The following KIAA1328 variants were observed in gnomAD, a reference collection of about 807,000 sequenced individuals.
KIAA1328 encodes the protein protein hinderin.
Under a neutral mutation model 68.1 loss-of-function variants are expected in KIAA1328, and 52 were observed. The observed-to-expected ratio is 0.76, with a 90% CI of 0.61 to 0.96. KIAA1328 has a LOEUF of 0.96. Among genes scored for constraint, KIAA1328 ranks in the 40% least tolerant of loss-of-function variants. The probability of loss-of-function intolerance (pLI) is 0.00; values close to 1 mark genes in which losing one functional copy is unlikely to be tolerated. For synonymous variants in KIAA1328, 232 were observed against 239.4 expected (o/e 0.97, Z 0.28); for missense variants, 641 against 677.6 (o/e 0.95, Z 0.60).
rs1358162651 is a variant in KIAA1328, at chr18:36,953,413, GATAGATAGAGAT to G, written c.449-5893_449-5882del. On this transcript the variant is annotated intron_variant, in intron 5 of 9. Coordinates refer to ENST00000280020, the MANE Select transcript of KIAA1328 (RefSeq NM_020776.3). ...AGATAGATAGATAGATAGATAGATA[GATAGATAGAGAT>G]AGATAGATATATAAATGTATATAGA... Among the ~76,000 whole-genome samples the G allele has an allele frequency of 9.3e-5, 13 of 140,194 alleles. No homozygotes were observed. The South Asian group carries it at 2.0e-3, about 21-fold the overall frequency. 92.0% of individuals were successfully genotyped at this position (140,194 alleles called of 152,430 possible). A position where few individuals can be genotyped will look rare whatever the true frequency, so the allele number is the denominator to read the frequency against.
chr18:37,206,446 C>G (rs1358379426), intron 9 of KIAA1328, among the ~76,000 whole-genome samples: 6 of 152,050 alleles, frequency 3.9e-5, no homozygotes, highest in Non-Finnish European at 7.4e-5. Context: ...GCAAAAAGCC[C>G]CCTTTGGATC....
At chr18:36,909,713 G>C (rs1420618234) in intron 5 of KIAA1328, among the ~76,000 whole-genome samples, 2 of 152,198 alleles carry the variant, frequency 1.3e-5, no homozygotes, top group Non-Finnish European at 2.9e-5. Flanking sequence ...TCGCCACACT[G>C]TGTTCCACAA....
At chr18:36,840,868 C>A (rs746608045) in intron 3 of KIAA1328, among the ~76,000 whole-genome samples, 1 of 151,756 alleles carries the variant, frequency 6.6e-6, no homozygotes, top group African/African-American at 2.4e-5. Context: ...AAGCAGACCG[C>A]GAGATGGAAT....
At chr18:36,837,920 C>T (rs995191721) in intron 3 of KIAA1328, among the ~76,000 whole-genome samples, 2 of 152,116 alleles carry the variant, frequency 1.3e-5, no homozygotes, top group African/African-American at 4.8e-5. Context: ...TTTGGACTCT[C>T]TGTATTCTGT....
In KIAA1328 at chr18:36,895,852, C is replaced by T. The variant is rs889164673; in HGVS notation, c.448+10180C>T. On this transcript the variant is annotated intron_variant, in intron 5 of 9. Transcript: ENST00000280020. ...CTAGAAGAAGAGCAGAGAGATCTCT[C>T]TGTCACACACCACACCCCCACGTTG... 89 of 452,856 alleles carry T rather than the reference C, an allele frequency of 2.0e-4. 3 individuals are homozygous for T. Among genetic ancestry groups the T allele is most frequent in the South Asian group, 1.3e-3 (86 of 63,768 alleles). 28.1% of individuals were successfully genotyped at this position (452,856 alleles called of 1,614,324 possible). A position where few individuals can be genotyped will look rare whatever the true frequency, so the allele number is the denominator to read the frequency against.
intron 9 of KIAA1328, among the ~76,000 whole-genome samples, chr18:37,205,136 A>G (rs1466130538): frequency 6.6e-6 from 1 of 152,204 alleles, no homozygotes; most frequent in Non-Finnish European, 1.5e-5. Flanking sequence ...AGCTGAAAGA[A>G]AGCAAAGTCT....
intron 6 of KIAA1328, among the ~76,000 whole-genome samples, chr18:37,035,246 G>T (rs1038676718): frequency 2.0e-5 from 3 of 152,200 alleles, no homozygotes; most frequent in Admixed American, 2.0e-4. Flanking sequence ...GTATTTGCTA[G>T]TGCAGTGGTT....
At chr18:36,973,719 A>G (rs1187151271) in intron 6 of KIAA1328, among the ~76,000 whole-genome samples, 2 of 152,058 alleles carry the variant, frequency 1.3e-5, no homozygotes, top group Non-Finnish European at 2.9e-5. Flanking sequence ...CATTACAGAC[A>G]TATATTTACT....
At chr18:36,996,394 A>G (rs1325165731) in intron 6 of KIAA1328, among the ~76,000 whole-genome samples, 1 of 152,232 alleles carries the variant, frequency 6.6e-6, no homozygotes, top group African/African-American at 2.4e-5. Context: ...TGTAATGAGT[A>G]GAGCCACGAT....
chr18:37,172,835 A>G (rs995643190), intron 8 of KIAA1328, 138 bp from the exon 9 acceptor site: 26 of 529,294 alleles, frequency 4.9e-5, no homozygotes, highest in South Asian at 4.1e-4. Flanking sequence ...TTCATATGCC[A>G]TTGTTACATT....
intron 7 of KIAA1328, among the ~76,000 whole-genome samples, chr18:37,143,873 C>T (rs2058836032): frequency 6.6e-6 from 1 of 152,142 alleles, no homozygotes; most frequent in Admixed American, 6.5e-5. Context: ...TGAAAAAATA[C>T]TAACTTGGCC....
intron 5 of KIAA1328, among the ~76,000 whole-genome samples, chr18:36,955,639 C>G (rs1296461718): frequency 1.3e-5 from 2 of 152,024 alleles, no homozygotes; most frequent in African/African-American, 4.8e-5. Flanking sequence ...AAGCCCCGAT[C>G]TATTTGTCTT....
At chr18:37,015,035 A>G (rs1346034069) in intron 6 of KIAA1328, among the ~76,000 whole-genome samples, 1 of 151,944 alleles carries the variant, frequency 6.6e-6, no homozygotes, top group Non-Finnish European at 1.5e-5. Context: ...CCTGAGTAGC[A>G]GGGATTACAG....
At chr18:36,987,420 G>A (rs1294388328) in intron 6 of KIAA1328, among the ~76,000 whole-genome samples, 3 of 146,122 alleles carry the variant, frequency 2.1e-5, no homozygotes, top group African/African-American at 7.4e-5. Context: ...CACCAGCATG[G>A]CACATGTATA....
At chr18:36,958,750 C>T (rs2151267547) in intron 5 of KIAA1328, among the ~76,000 whole-genome samples, 1 of 152,172 alleles carries the variant, frequency 6.6e-6, no homozygotes, top group Middle Eastern at 3.4e-3. Flanking sequence ...TTTACCATGT[C>T]ATTTCCAAAT....
intron 5 of KIAA1328, among the ~76,000 whole-genome samples, chr18:36,940,673 A>C (rs999708497): frequency 1.4e-5 from 2 of 139,898 alleles, no homozygotes; most frequent in Non-Finnish European, 3.1e-5. Flanking sequence ...TGCTCATTTT[A>C]CTTTTTTTTT....
intron 6 of KIAA1328, among the ~76,000 whole-genome samples, chr18:37,046,155 G>A (rs1012183790): frequency 2.0e-5 from 3 of 152,044 alleles, no homozygotes; most frequent in Non-Finnish European, 2.9e-5. Context: ...CTATGTTTGG[G>A]TTTTTTGTTT....
chr18:36,875,936 G>C (rs566504690), intron 4 of KIAA1328, among the ~76,000 whole-genome samples: 2 of 152,148 alleles, frequency 1.3e-5, no homozygotes, highest in East Asian at 3.9e-4. Context: ...CGTGGTTTTT[G>C]TCATTGTTTC....
At chr18:37,123,180 A>T (rs984880977) in intron 7 of KIAA1328, among the ~76,000 whole-genome samples, 16 of 152,156 alleles carry the variant, frequency 1.1e-4, no homozygotes, top group African/African-American at 3.6e-4. Context: ...TATACTAGAG[A>T]GCATTTCAGC....
Sources: gnomAD v4.1 joint callset for allele counts (sites outside exome capture counted in the v4.1 genomes callset) on GRCh38, gnomAD v4.1.1 for gene constraint, MANE v1.5 for transcripts, NCBI Gene and HGNC (gene_info 2026-07-23, HGNC 2026-07-21) for gene names.